Variants in TTC38 observed in about 807,000 individuals in gnomAD.
TTC38 encodes the protein tetratricopeptide repeat protein 38.
In TTC38, 64 loss-of-function variants were observed where a neutral mutation model predicts 64.2. That is an observed-to-expected ratio of 1.00 (90% CI 0.81 to 1.23). TTC38 has a LOEUF of 1.23. Among genes scored for constraint, TTC38 ranks in the 50% most tolerant of loss-of-function variants. The pLI is 0.00. For missense variants in TTC38, 573 were observed against 615.5 expected (o/e 0.93, Z 0.73); for synonymous variants, 254 against 249.3 (o/e 1.02, Z -0.18).
rs907588647 is a variant in TTC38 at position 46,271,524 on chromosome 22, T to C, written c.112-811T>C. Among the ~76,000 whole-genome samples, 1 of 150,242 alleles carries C rather than the reference T, an allele frequency of 6.7e-6. No individual in the cohort carries two copies. The highest frequency in any genetic ancestry group is 1.5e-5 in the Non-Finnish European group (1 of 67,620). On this transcript the variant is annotated intron_variant, in intron 2 of 13. Coordinates refer to ENST00000381031, the MANE Select transcript of TTC38 (RefSeq NM_017931.4). The surrounding 1 kb of genome is among the most constrained non-coding windows in gnomAD (Gnocchi z 5.5). ...CACCACACCTGGCCTTTTTTTTTCC[T>C]TTTCTCTGTCACCCAGGCTGGGGTG...
intron 6 of TTC38, among the ~76,000 whole-genome samples, chr22:46,279,249 C>G (rs1271388944): frequency 1.3e-5 from 2 of 152,154 alleles, no homozygotes; most frequent in African/African-American, 4.8e-5. Flanking sequence ...CTGGGGGTCC[C>G]TCTCCTCTAC....
chr22:46,277,684 C>T (rs1433432480), intron 5 of TTC38, among the ~76,000 whole-genome samples: 1 of 150,560 alleles, frequency 6.6e-6, no homozygotes, highest in Non-Finnish European at 1.5e-5. Flanking sequence ...CCATCCTGGG[C>T]TGGGCCTGGG....
At chr22:46,290,324 C>G (rs879756277) in intron 13 of TTC38, among the ~76,000 whole-genome samples, 1 of 152,226 alleles carries the variant, frequency 6.6e-6, no homozygotes, top group Non-Finnish European at 1.5e-5. Context: ...ACACCAGTCA[C>G]TGGCTACCAG....
chr22:46,284,128 A>G, intron 8 of TTC38, 96 bp downstream of exon 8: 2 of 1,006,220 alleles, frequency 2.0e-6, no homozygotes, highest in Non-Finnish European at 3.0e-6. Flanking sequence ...CATCCGTTGG[A>G]GCCCTGATGC....
chr22:46,289,206 C>T (rs150779122), intron 11 of TTC38, among the ~76,000 whole-genome samples, 196 bp from the exon 12 acceptor site: 260 of 152,244 alleles, frequency 1.7e-3, no homozygotes, highest in African/African-American at 5.9e-3. Flanking sequence ...TGGAAGTGGG[C>T]GAACTCCAAC....
intron 10 of TTC38, among the ~76,000 whole-genome samples, chr22:46,288,214 T>G (rs1035672871): frequency 7.2e-5 from 11 of 152,188 alleles, no homozygotes; most frequent in Non-Finnish European, 1.3e-4. Flanking sequence ...GCTTCCTACT[T>G]ACGCGTCTAT....
chr22:46,287,424 C>A lies in TTC38; in HGVS notation c.916+270C>A, dbSNP rs1476344780. On this transcript the variant is annotated intron_variant, in intron 10 of 13. Coordinates refer to ENST00000381031, the MANE Select transcript of TTC38 (RefSeq NM_017931.4). ...CTCCAGCTCTGCACCCAGGGCGGCA[C>A]CTGCTGTGCTGTTCCCATGGCTGGC... Among the ~76,000 whole-genome samples, 3 of 152,266 alleles carry A rather than the reference C, an allele frequency of 2.0e-5. No individual in the cohort carries two copies. In the East Asian group the frequency reaches 5.8e-4, roughly 29 times the overall value.
Position 46,276,771 on chromosome 22 carries a change from TAAATATATATTA to T in TTC38, c.539+1366_539+1377del, listed in dbSNP as rs1257614482. Among the ~76,000 whole-genome samples, 1 of 117,080 alleles carries T rather than the reference TAAATATATATTA, an allele frequency of 8.5e-6. No homozygotes were observed. The highest frequency in any genetic ancestry group is 7.9e-5 in the Admixed American group (1 of 12,618). 76.8% of individuals were successfully genotyped at this position (117,080 alleles called of 152,430 possible). A position where few individuals can be genotyped will look rare whatever the true frequency, so the allele number is the denominator to read the frequency against. On this transcript the variant is annotated intron_variant, in intron 5 of 13. Transcript: ENST00000381031. The surrounding 1 kb of genome is among the most constrained non-coding windows in gnomAD (Gnocchi z 4.7). ...AAATACATATATTAAAAATATATAT[TAAATATATATTA>T]AAATATATATTAAAAATTATATATT...
At chr22:46,288,912 A>T (rs542849889) in intron 11 of TTC38, among the ~76,000 whole-genome samples, 1 of 152,204 alleles carries the variant, frequency 6.6e-6, no homozygotes, top group Non-Finnish European at 1.5e-5. Context: ...AGCCAGAGAC[A>T]CCTGCTGCTT....
In TTC38 at chr22:46,282,458, C is replaced by T. The variant is rs748767365; in HGVS notation, c.735+740C>T. On this transcript the variant is annotated intron_variant, in intron 7 of 13. Transcript: ENST00000381031. This position sits in a 1 kb window ranked among gnomAD's most constrained non-coding sequence, Gnocchi z 4.4. Reference sequence around the variant, plus strand: ...GGCTGCATCAGGTGAGCCTATTGGGCTCAAGGGAGATGGGGCCTCCCCTGG... The same window carrying T: ...GGCTGCATCAGGTGAGCCTATTGGGTTCAAGGGAGATGGGGCCTCCCCTGG... Among the ~76,000 whole-genome samples, 11 of 152,322 alleles carry T rather than the reference C, an allele frequency of 7.2e-5. No individual in the cohort carries two copies. Among genetic ancestry groups the T allele is most frequent in the African/African-American group, 1.9e-4 (8 of 41,566 alleles).
chr22:46,278,120 C>T lies in TTC38; in HGVS notation c.540-466C>T, dbSNP rs553651100. Among the ~76,000 whole-genome samples the T allele has an allele frequency of 9.2e-5, 14 of 152,300 alleles. No individual in the cohort carries two copies. In the South Asian group the frequency reaches 1.2e-3, roughly 14 times the overall value. ...GGTTGGAGGTTGCATCAGTCTCCTG[C>T]GGTTGCTGTAGCGAAGGGCTGCAAA... On this transcript the variant is annotated intron_variant, in intron 5 of 13. Coordinates refer to ENST00000381031, the MANE Select transcript of TTC38 (RefSeq NM_017931.4).
chr22:46,277,044 CAT>C (rs60706543), intron 5 of TTC38, among the ~76,000 whole-genome samples: 3,060 of 56,226 alleles, frequency 0.054, 63 homozygotes, highest in African/African-American at 0.13. Flanking sequence ...CATATATATA[CAT>C]ACACACACAC....
At position 46,274,584 on chromosome 22, in the gene TTC38, T is replaced by C. The variant is rs997505725; in HGVS notation, c.365+515T>C. Among the ~76,000 whole-genome samples, 4 of 152,216 alleles carry C rather than the reference T, an allele frequency of 2.6e-5. No individual in the cohort carries two copies. Among genetic ancestry groups the C allele is most frequent in the African/African-American group, 9.6e-5 (4 of 41,452 alleles). ...AGAGTTAGGCGACCCTAGCCGATTG[T>C]GCAGGGACTCAGGGATTCCGAACCC... is the stretch of plus-strand genomic sequence containing the variant. On this transcript the variant is annotated intron_variant, in intron 4 of 13. Coordinates refer to ENST00000381031, the MANE Select transcript of TTC38 (RefSeq NM_017931.4). The surrounding 1 kb of genome is among the most constrained non-coding windows in gnomAD (Gnocchi z 4.8).
At chr22:46,268,374 A>C in intron 1 of TTC38, 140 bp from the exon 2 acceptor site, 6 of 918,344 alleles carry the variant, frequency 6.5e-6, no homozygotes, top group Non-Finnish European at 9.9e-6. Context: ...GGCTCCTTGG[A>C]ACCGGCCCAG....
At chr22:46,278,830 A>G (rs1308089121) in intron 6 of TTC38, among the ~76,000 whole-genome samples, 169 bp downstream of exon 6, 1 of 152,238 alleles carries the variant, frequency 6.6e-6, no homozygotes, top group African/African-American at 2.4e-5. Context: ...GCCGCCCGCC[A>G]GGGGCTGTCA....
Position 46,273,993 on chromosome 22 carries a change from G to T in TTC38, c.289G>T (p.Val97Leu). 6.2e-7 allele frequency: 1 copy of T among 1,614,236 alleles called. No individual in the cohort carries two copies. The highest frequency in any genetic ancestry group is 8.5e-7 in the Non-Finnish European group (1 of 1,180,046). ...GCTGGACCTGGCTGTGAAGACAATG[G>T]TGGAGATTTCAAGAACCCAGCCGCT... ...KELDLAVKTM[V>L]EISRTQPLTR... The change falls in exon 4 of 14, where the codon GTG (valine) becomes TTG (leucine). Residue 97 changes from valine to leucine, a missense_variant. By Grantham distance (32) the Val-to-Leu change is conservative (BLOSUM62 1). Transcript: ENST00000381031. This position sits in a 1 kb window ranked among gnomAD's most constrained non-coding sequence, Gnocchi z 5.1.
At chr22:46,286,493 T>C (rs1422119305) in intron 9 of TTC38, among the ~76,000 whole-genome samples, 1 of 151,796 alleles carries the variant, frequency 6.6e-6, no homozygotes, top group Non-Finnish European at 1.5e-5. Context: ...AAATCCCATC[T>C]CTACTAAAAA....
chr22:46,280,204 C>T (rs1053273921), intron 6 of TTC38: 17 of 471,006 alleles, frequency 3.6e-5, no homozygotes, highest in African/African-American at 2.8e-4. Flanking sequence ...TAGGAGGAGC[C>T]AGGGCAGGAG....
At chr22:46,288,761 T>G (rs536472365) in intron 11 of TTC38, among the ~76,000 whole-genome samples, 173 bp downstream of exon 11, 2 of 152,186 alleles carry the variant, frequency 1.3e-5, no homozygotes, top group South Asian at 4.1e-4. Flanking sequence ...CATCCCCTGG[T>G]GCAGACCCCC....
Sources: allele counts gnomAD v4.1 joint callset (sites outside exome capture counted in the v4.1 genomes callset), GRCh38; gene constraint gnomAD v4.1.1; non-coding constraint Gnocchi (gnomAD v3.1); transcripts MANE v1.5; gene names NCBI Gene and HGNC (gene_info 2026-07-23, HGNC 2026-07-21).